The following METAP1 variants were observed in gnomAD, a reference collection of about 807,000 sequenced individuals.
METAP1 encodes the protein methionine aminopeptidase 1.
METAP1 carries 28 observed loss-of-function variants against 53.8 expected under a neutral mutation model. The observed-to-expected ratio is 0.52, with a 90% CI of 0.39 to 0.71. METAP1 has a LOEUF of 0.71. Ranked by LOEUF, METAP1 falls within the 30% of genes least tolerant of loss-of-function variation. The probability of loss-of-function intolerance (pLI) is 0.00; values close to 1 mark genes in which losing one functional copy is unlikely to be tolerated. For missense variants in METAP1, 389 were observed against 479.8 expected (o/e 0.81, Z 1.77); for synonymous variants, 181 against 165.7 (o/e 1.09, Z -0.71).
chr4:98,997,486 G>C (rs908328002), intron 1 of METAP1: 18 of 154,770 alleles, frequency 1.2e-4, no homozygotes, highest in Middle Eastern at 5.3e-4. Flanking sequence ...ATTCTATCTT[G>C]TTGTGGCCTG....
chr4:99,004,356 G>T (rs1162606403), intron 1 of METAP1, among the ~76,000 whole-genome samples: 1 of 152,060 alleles, frequency 6.6e-6, no homozygotes, highest in Admixed American at 6.6e-5. Flanking sequence ...AGGTTGGAGA[G>T]AGTCTGTTTC....
At chr4:99,026,183 C>T (rs1333628184) in intron 1 of METAP1, 10 of 961,734 alleles carry the variant, frequency 1.0e-5, no homozygotes, top group Non-Finnish European at 1.2e-5. Context: ...AGACCTGTCT[C>T]AGATATTTTG....
At chr4:99,014,434 C>T (rs996700426) in intron 1 of METAP1, among the ~76,000 whole-genome samples, 1 of 152,208 alleles carries the variant, frequency 6.6e-6, no homozygotes, top group Non-Finnish European at 1.5e-5. Flanking sequence ...TGCAATTCCC[C>T]TGACCACTTT....
chr4:99,022,947 G>T, intron 1 of METAP1: 2 of 1,489,018 alleles, frequency 1.3e-6, no homozygotes, highest in South Asian at 1.2e-5. Context: ...GAAGGTTGCG[G>T]ACATGTAGGG....
At chr4:99,023,324 T>C (rs184579579) in intron 1 of METAP1, 214 of 728,900 alleles carry the variant, frequency 2.9e-4, no homozygotes, top group South Asian at 2.2e-3. Context: ...TTATTTCCTT[T>C]GGTTAACTAT....
chr4:99,028,856 T>C lies in METAP1; in HGVS notation c.115-11T>C, dbSNP rs1000074371. ...AGGCCTGACACTAATTTTCCTTTTT[T>C]GTTCTTTTAGGAATGTTTTAAAGGA... On this transcript the variant is annotated splice_polypyrimidine_tract_variant and intron_variant, in intron 1 of 10. Coordinates refer to ENST00000296411, the MANE Select transcript of METAP1 (RefSeq NM_015143.3). 3 of 1,532,072 alleles carry C rather than the reference T, an allele frequency of 2.0e-6. No individual in the cohort carries two copies. The highest frequency in any genetic ancestry group is 2.0e-5 in the Admixed American group (1 of 49,580). The allele number at this position is 1,532,072 out of a possible 1,614,324, so 94.9% of individuals were successfully genotyped here.
chr4:99,035,366 T>C (rs752486350), intron 3 of METAP1, 34 bp from the exon 4 acceptor site: 1 of 1,474,182 alleles, frequency 6.8e-7, no homozygotes, highest in Non-Finnish European at 9.3e-7. Context: ...TTATTTTTCG[T>C]TGGTAAATCA....
intron 9 of METAP1, among the ~76,000 whole-genome samples, chr4:99,052,695 G>A (rs1021339384): frequency 2.0e-5 from 3 of 152,182 alleles, no homozygotes; most frequent in Admixed American, 1.3e-4. Context: ...ATTTGGGTAG[G>A]AACACAGATC....
At chr4:99,022,622 G>C (rs1391216225) in intron 1 of METAP1, 1 of 761,216 alleles carries the variant, frequency 1.3e-6, no homozygotes, top group Non-Finnish European at 2.2e-6. Context: ...ACTCTCAGGT[G>C]CTGCCTGTGT....
intron 1 of METAP1, among the ~76,000 whole-genome samples, chr4:99,011,823 C>T (rs1388525097): frequency 2.0e-5 from 3 of 152,110 alleles, no homozygotes; most frequent in Non-Finnish European, 2.9e-5. Context: ...GCCTGTAATC[C>T]CAGCTACTCG....
intron 1 of METAP1, among the ~76,000 whole-genome samples, chr4:99,011,813 G>A (rs557226884): frequency 6.6e-6 from 1 of 152,278 alleles, no homozygotes; most frequent in East Asian, 1.9e-4. Flanking sequence ...GGTGGCATAT[G>A]CCTGTAATCC....
intron 1 of METAP1, among the ~76,000 whole-genome samples, chr4:99,012,734 C>T (rs957383420): frequency 7.0e-6 from 1 of 142,940 alleles, no homozygotes; most frequent in Non-Finnish European, 1.5e-5. Context: ...GTCTGTGACA[C>T]AGCCTCAGGA....
chr4:99,011,873 G>C (rs58487009), intron 1 of METAP1, among the ~76,000 whole-genome samples: 1 of 152,102 alleles, frequency 6.6e-6, no homozygotes, highest in African/African-American at 2.4e-5. Context: ...CTAGGAGGCG[G>C]AGGTTGCGGT....
chr4:98,998,813 ATTT>A (rs532427603), intron 1 of METAP1, among the ~76,000 whole-genome samples: 8 of 144,074 alleles, frequency 5.6e-5, no homozygotes, highest in Non-Finnish European at 4.6e-5. Flanking sequence ...AAAAATGAGG[ATTT>A]TTTTTTTTTT....
chr4:99,011,453 A>G (rs1196167258), intron 1 of METAP1, among the ~76,000 whole-genome samples: 1 of 152,186 alleles, frequency 6.6e-6, no homozygotes, highest in Non-Finnish European at 1.5e-5. Context: ...AATGTGATGT[A>G]TTAAATTGAT....
At chr4:99,028,947 T>C (rs1376593547) in intron 2 of METAP1, 29 bp downstream of exon 2, 2 of 1,469,746 alleles carry the variant, frequency 1.4e-6, no homozygotes, top group Non-Finnish European at 9.2e-7. Flanking sequence ...TTTTACACCA[T>C]TTGTCTTAGA....
Position 99,028,853 on chromosome 4 carries a change from T to C in METAP1, c.115-14T>C. ...GGAAGGCCTGACACTAATTTTCCTTTTTTGTTCTTTTAGGAATGTTTTAAA... is the reference window on the plus strand; with the variant it reads ...GGAAGGCCTGACACTAATTTTCCTTCTTTGTTCTTTTAGGAATGTTTTAAA... On this transcript the variant is annotated splice_polypyrimidine_tract_variant and intron_variant, in intron 1 of 10. Coordinates refer to ENST00000296411, the MANE Select transcript of METAP1 (RefSeq NM_015143.3). 1 of 1,529,416 alleles carries C rather than the reference T, an allele frequency of 6.5e-7. No individual in the cohort carries two copies. The highest frequency in any genetic ancestry group is 2.5e-5 in the East Asian group (1 of 40,498). The allele number at this position is 1,529,416 out of a possible 1,614,324, so 94.7% of individuals were successfully genotyped here.
At chr4:99,011,855 G>T (rs1723486428) in intron 1 of METAP1, among the ~76,000 whole-genome samples, 2 of 152,194 alleles carry the variant, frequency 1.3e-5, no homozygotes, top group Non-Finnish European at 2.9e-5. Flanking sequence ...CAGGAGAATT[G>T]CTTGAACCTA....
At chr4:99,004,778 A>T (rs1723102586) in intron 1 of METAP1, among the ~76,000 whole-genome samples, 1 of 152,130 alleles carries the variant, frequency 6.6e-6, no homozygotes, top group Non-Finnish European at 1.5e-5. Flanking sequence ...GATTACATGT[A>T]TTCTTTTACA....
Sources: allele counts gnomAD v4.1 joint callset (sites outside exome capture counted in the v4.1 genomes callset), GRCh38; gene constraint gnomAD v4.1.1; transcripts MANE v1.5; gene names NCBI Gene and HGNC (gene_info 2026-07-23, HGNC 2026-07-21).